Variants in NPBWR1 observed in about 807,000 individuals in gnomAD.
The protein encoded by NPBWR1 is neuropeptides B and W receptor 1.
In NPBWR1, 4 loss-of-function variants were observed where a neutral mutation model predicts 2.8. The ratio of observed to expected loss-of-function variants is 1.44; its 90% CI spans 0.71 to 3.29. NPBWR1 has a LOEUF of 3.29. Ranked by LOEUF, NPBWR1 falls within the 30% of genes most tolerant of loss-of-function variation. The pLI, the probability that NPBWR1 is intolerant of heterozygous loss-of-function variation, is 0.01. For missense variants in NPBWR1, 545 were observed against 462.5 expected, an observed-to-expected ratio of 1.18 and a Z score of -1.64; for synonymous variants, 250 against 224.5, an observed-to-expected ratio of 1.11 and a Z score of -1.02.
In NPBWR1 at chr8:52,940,697, T is replaced by C; in HGVS notation, c.790T>C (p.Trp264Arg). 1 of 1,613,202 alleles carries C rather than the reference T, an allele frequency of 6.2e-7. No homozygotes were observed. Among genetic ancestry groups the C allele is most frequent in the Non-Finnish European group, 8.5e-7 (1 of 1,179,982 alleles). The change falls in exon 2 of 2, where the codon TGG becomes CGG. Residue 264 changes from tryptophan (W) to arginine (R), a missense_variant. Coordinates refer to ENST00000674939, the MANE Select transcript of NPBWR1 (RefSeq NM_005285.5). The part of the protein sequence containing the change: ...VAILAVCLLC[W>R]TPYHLSTVVA... ...AATCCTGGCGGTGTGCCTCCTCTGC[T>C]GGACGCCCTACCACCTGAGCACCGT...
Position 52,940,525 on chromosome 8 carries a change from C to A in NPBWR1, c.618C>A (p.Tyr206Ter). 1.9e-6 allele frequency: 3 copies of A among 1,593,864 alleles called. No homozygotes were observed. Among genetic ancestry groups the A allele is most frequent in the Non-Finnish European group, 2.6e-6 (3 of 1,173,658 alleles). Reference protein sequence around the residue: ...EAFWWRASRLYTLVLGFAIPV... With the variant: ...EAFWWRASRL ...TCTGGTGGCGCGCGAGCCGCCTCTA[C>A]ACGCTCGTGCTGGGCTTCGCCATCC... is the stretch of plus-strand genomic sequence containing the variant. The change falls in exon 2 of 2, where the codon TAC becomes TAA. Residue 206 changes from tyrosine (Y) to a stop codon, truncating the protein, a stop_gained. Transcript: ENST00000674939. LOFTEE classifies it low-confidence loss of function (END_TRUNC).
chr8:52,940,225 G>A lies in NPBWR1; in HGVS notation c.318G>A (p.Glu106=), dbSNP rs1585511912. ...DFLLRQWPFG[E]LMCKLIVAID... ...TGCTGCGGCAGTGGCCCTTCGGGGA[G>A]CTCATGTGCAAGCTCATCGTGGCTA... is the stretch of plus-strand genomic sequence containing the variant. Residue 106 remains glutamate, a synonymous_variant, in exon 2 of 2, where the codon GAG becomes GAA. Coordinates refer to ENST00000674939, the MANE Select transcript of NPBWR1 (RefSeq NM_005285.5). 1 of 1,613,824 alleles carries A rather than the reference G, an allele frequency of 6.2e-7. No homozygotes were observed. The highest frequency in any genetic ancestry group is 1.7e-5 in the Admixed American group (1 of 60,036).
At position 52,940,966 on chromosome 8, in the gene NPBWR1, G is replaced by C. The variant is rs79536146; in HGVS notation, c.*72G>C. On this transcript the variant is annotated 3_prime_UTR_variant, in exon 2 of 2. Coordinates refer to ENST00000674939, the MANE Select transcript of NPBWR1 (RefSeq NM_005285.5). The stretch of plus-strand genomic sequence containing the variant: ...GAGGGAGGAGCCGGCGCCAGAGTGC[G>C]GGACCAGACAGGCCGCCTAGGCCTC... 4.0e-6 allele frequency: 6 copies of C among 1,500,558 alleles called. No homozygotes were observed. The highest frequency in any genetic ancestry group is 1.3e-5 in the South Asian group (1 of 75,522). 93.0% of individuals were successfully genotyped at this position (1,500,558 alleles called of 1,614,324 possible).
rs1037093297 is a variant in NPBWR1, at chr8:52,940,011, C to T, written c.104C>T (p.Pro35Leu). Reference protein sequence around the residue: ...NASTLAPLPAPLAVAVPVVYA... With the variant: ...NASTLAPLPALLAVAVPVVYA... The stretch of plus-strand genomic sequence containing the variant: ...TCGACTCTGGCGCCGCTGCCGGCGC[C>T]GCTGGCGGTGGCTGTACCAGTTGTC... The change falls in exon 2 of 2, where the codon CCG (proline) becomes CTG (leucine). Residue 35 changes from proline (P) to leucine (L), a missense_variant. Physicochemically the swap from Pro to Leu is moderately conservative, Grantham distance 98 (BLOSUM62 -3). Transcript: ENST00000674939. The T allele has an allele frequency of 1.2e-6, 2 of 1,604,518 alleles. No homozygotes were observed. The highest frequency in any genetic ancestry group is 1.3e-5 in the African/African-American group (1 of 74,922).
rs1287625452 is a variant in NPBWR1, at chr8:52,941,459, G to T, written c.*565G>T. On this transcript the variant is annotated 3_prime_UTR_variant, in exon 2 of 2. Coordinates refer to ENST00000674939, the MANE Select transcript of NPBWR1 (RefSeq NM_005285.5). ...TGAGACCCGCTTGGCCTGGCGCCGC[G>T]GGCGGGGACCGCTGCCGAGGCCGCC... Among the ~76,000 whole-genome samples, 2 of 152,158 alleles carry T rather than the reference G, an allele frequency of 1.3e-5. No homozygotes were observed. Among genetic ancestry groups the T allele is most frequent in the African/African-American group, 2.4e-5 (1 of 41,450 alleles).
chr8:52,941,093 C>A lies in NPBWR1; in HGVS notation c.*199C>A. 1 of 692,138 alleles carries A rather than the reference C, an allele frequency of 1.4e-6. No homozygotes were observed. The highest frequency in any genetic ancestry group is 2.4e-6 in the Non-Finnish European group (1 of 425,270). The allele number at this position is 692,138 out of a possible 1,614,324, so 42.9% of individuals were successfully genotyped here. On this transcript the variant is annotated 3_prime_UTR_variant, in exon 2 of 2. Transcript: ENST00000674939. ...GCCAAGCCCTCCAGGTGATGCGCGG[C>A]CATGCCGGGTGAGGAGAACTGAGGC...
rs1408914723 is a variant in NPBWR1, at chr8:52,941,313, G to GC, written c.*424dup. Among the ~76,000 whole-genome samples, 3 of 151,984 alleles carry GC rather than the reference G, an allele frequency of 2.0e-5. No individual in the cohort carries two copies. The highest frequency in any genetic ancestry group is 4.4e-5 in the Non-Finnish European group (3 of 67,958). On this transcript the variant is annotated 3_prime_UTR_variant, in exon 2 of 2. Coordinates refer to ENST00000674939, the MANE Select transcript of NPBWR1 (RefSeq NM_005285.5). Reference sequence around the variant, plus strand: ...AGGGAGGCCCGAGGACGCTGCCGGCGCCCCCAGGCGTCGGCTCCGCGCGGC... The same window carrying GC: ...AGGGAGGCCCGAGGACGCTGCCGGCGCCCCCCAGGCGTCGGCTCCGCGCGGC...
rs1459331183 is a variant in NPBWR1, at chr8:52,942,758, T to C, written c.*1864T>C. Among the ~76,000 whole-genome samples the C allele has an allele frequency of 6.6e-6, 1 of 152,086 alleles. No homozygotes were observed. The highest frequency in any genetic ancestry group is 1.9e-4 in the East Asian group (1 of 5,192). On this transcript the variant is annotated 3_prime_UTR_variant, in exon 2 of 2. Coordinates refer to ENST00000674939, the MANE Select transcript of NPBWR1 (RefSeq NM_005285.5). ...AATTCATAGCCATCAGTTTAGAAAA[T>C]ATACATTAAAAAACCTTCTGTCTTG...
chr8:52,939,670 A>C, intron 1 of NPBWR1, 41 bp from the exon 2 acceptor site: 2 of 463,152 alleles, frequency 4.3e-6, no homozygotes, highest in Non-Finnish European at 7.5e-6. Context: ...CTAAAGTTAC[A>C]CGTCGACGAA....
In NPBWR1 at chr8:52,939,954, G is replaced by A; in HGVS notation, c.47G>A (p.Gly16Asp). 1 of 1,586,954 alleles carries A rather than the reference G, an allele frequency of 6.3e-7. No homozygotes were observed. Among genetic ancestry groups the A allele is most frequent in the Non-Finnish European group, 8.5e-7 (1 of 1,172,672 alleles). Residue 16 changes from glycine (G) to aspartate (D), a missense_variant, in exon 2 of 2, where the codon GGC (glycine) becomes GAC (aspartate). Gly to Asp is a moderately conservative substitution (Grantham distance 94, BLOSUM62 -1). Transcript: ENST00000674939. Reference sequence around the variant, plus strand: ...GAGCCCTGGCCCGCCAACGCATCGGGCCCGGACCCGGCGCTGAGCTGCTCC... The same window carrying A: ...GAGCCCTGGCCCGCCAACGCATCGGACCCGGACCCGGCGCTGAGCTGCTCC... ...FSEPWPANAS[G>D]PDPALSCSNA...
In NPBWR1 at chr8:52,941,086, T is replaced by G; in HGVS notation, c.*192T>G. ...TGACCTTGCCAAGCCCTCCAGGTGA[T>G]GCGCGGCCATGCCGGGTGAGGAGAA... On this transcript the variant is annotated 3_prime_UTR_variant, in exon 2 of 2. Transcript: ENST00000674939. 1.4e-6 allele frequency: 1 copy of G among 709,834 alleles called. No homozygotes were observed. The highest frequency in any genetic ancestry group is 2.3e-6 in the Non-Finnish European group (1 of 441,154). 44.0% of individuals were successfully genotyped at this position (709,834 alleles called of 1,614,324 possible).
In NPBWR1 at chr8:52,941,767, G is replaced by A. The variant is rs779110947; in HGVS notation, c.*873G>A. Among the ~76,000 whole-genome samples the A allele has an allele frequency of 5.9e-5, 9 of 152,216 alleles. No homozygotes were observed. The highest frequency in any genetic ancestry group is 2.0e-4 in the Admixed American group (3 of 15,288). The stretch of plus-strand genomic sequence containing the variant: ...GGAACCCGGAGTAGCCCGGGCGCGC[G>A]GTTCCGGCGCCCCCTGGAGGAGCCA... On this transcript the variant is annotated 3_prime_UTR_variant, in exon 2 of 2. Transcript: ENST00000674939.
At chr8:52,939,690 G>C (rs1286144127) in intron 1 of NPBWR1, 21 bp from the exon 2 acceptor site, 1 of 529,844 alleles carries the variant, frequency 1.9e-6, no homozygotes, top group Admixed American at 3.6e-5. Context: ...ACTAACCTAT[G>C]CTTTAAATTC....
Position 52,942,582 on chromosome 8 carries a change from A to G in NPBWR1, c.*1688A>G, listed in dbSNP as rs1563549105. 1.3e-5 allele frequency among the ~76,000 whole-genome samples: 2 copies of G among 152,224 alleles called. No individual in the cohort carries two copies. The highest frequency in any genetic ancestry group is 2.4e-5 in the African/African-American group (1 of 41,458). ...TTGCTTAGTTTGGCATCTTCAATCA[A>G]TTTCTCAATTATTTAGGTTGAAAAT... On this transcript the variant is annotated 3_prime_UTR_variant, in exon 2 of 2. Transcript: ENST00000674939.
Position 52,943,655 on chromosome 8 carries a change from T to C in NPBWR1, c.*2761T>C, listed in dbSNP as rs1403721379. Among the ~76,000 whole-genome samples the C allele has an allele frequency of 2.0e-5, 3 of 152,264 alleles. No individual in the cohort carries two copies. The highest frequency in any genetic ancestry group is 1.3e-4 in the Admixed American group (2 of 15,284). Reference sequence around the variant, plus strand: ...ATGTAATGTGTATGCTTATGTTTTCTCTTGACAAACGCAGAAACTCTGTAG... The same window carrying C: ...ATGTAATGTGTATGCTTATGTTTTCCCTTGACAAACGCAGAAACTCTGTAG... On this transcript the variant is annotated 3_prime_UTR_variant, in exon 2 of 2. Coordinates refer to ENST00000674939, the MANE Select transcript of NPBWR1 (RefSeq NM_005285.5).
Position 52,941,413 on chromosome 8 carries a change from C to T in NPBWR1, c.*519C>T, listed in dbSNP as rs1489319583. The stretch of plus-strand genomic sequence containing the variant: ...CGCTCTGGGAAGACGGTCAGGCGCG[C>T]GCGTTTGGCGCCCACCCCTGTGAGA... On this transcript the variant is annotated 3_prime_UTR_variant, in exon 2 of 2. Transcript: ENST00000674939. Among the ~76,000 whole-genome samples, 1 of 152,190 alleles carries T rather than the reference C, an allele frequency of 6.6e-6. No individual in the cohort carries two copies. Among genetic ancestry groups the T allele is most frequent in the Non-Finnish European group, 1.5e-5 (1 of 68,028 alleles).
In NPBWR1 at chr8:52,941,050, T is replaced by G; in HGVS notation, c.*156T>G. On this transcript the variant is annotated 3_prime_UTR_variant, in exon 2 of 2. Coordinates refer to ENST00000674939, the MANE Select transcript of NPBWR1 (RefSeq NM_005285.5). ...TAGCAGATCGGAAGCGCTGCGACTG[T>G]GCCCGCAGGTTGACCTTGCCAAGCC... The G allele has an allele frequency of 9.6e-7, 1 of 1,041,540 alleles. No homozygotes were observed. 64.5% of individuals were successfully genotyped at this position (1,041,540 alleles called of 1,614,324 possible).
chr8:52,941,069 C>A lies in NPBWR1; in HGVS notation c.*175C>A. 1 of 831,542 alleles carries A rather than the reference C, an allele frequency of 1.2e-6. No homozygotes were observed. The highest frequency in any genetic ancestry group is 1.8e-6 in the Non-Finnish European group (1 of 550,808). 51.5% of individuals were successfully genotyped at this position (831,542 alleles called of 1,614,324 possible). A position where few individuals can be genotyped will look rare whatever the true frequency, so the allele number is the denominator to read the frequency against. ...CGACTGTGCCCGCAGGTTGACCTTG[C>A]CAAGCCCTCCAGGTGATGCGCGGCC... is the stretch of plus-strand genomic sequence containing the variant. On this transcript the variant is annotated 3_prime_UTR_variant, in exon 2 of 2. Coordinates refer to ENST00000674939, the MANE Select transcript of NPBWR1 (RefSeq NM_005285.5).
In NPBWR1 at chr8:52,939,727, C is replaced by T. The variant is rs1860153200; in HGVS notation, c.-181C>T. ...TCTTTCCAGCCCCGTGAGTCCGCGGCGACATTGGGCCGTGGGGTGGCTGGG... is the reference window on the plus strand; with the variant it reads ...TCTTTCCAGCCCCGTGAGTCCGCGGTGACATTGGGCCGTGGGGTGGCTGGG... On this transcript the variant is annotated 5_prime_UTR_variant, in exon 2 of 2. Transcript: ENST00000674939. The T allele has an allele frequency of 1.6e-6, 1 of 607,622 alleles. No homozygotes were observed. The highest frequency in any genetic ancestry group is 2.7e-6 in the Non-Finnish European group (1 of 369,764). The allele number at this position is 607,622 out of a possible 1,614,324, so 37.6% of individuals were successfully genotyped here. A position where few individuals can be genotyped will look rare whatever the true frequency, so the allele number is the denominator to read the frequency against.
Sources: gnomAD v4.1 joint callset for allele counts (sites outside exome capture counted in the v4.1 genomes callset) on GRCh38, gnomAD v4.1.1 for gene constraint, MANE v1.5 for transcripts, NCBI Gene and HGNC (gene_info 2026-07-23, HGNC 2026-07-21) for gene names.